Variants in CSMD1 observed in about 807,000 individuals in gnomAD.
The protein encoded by CSMD1 is CUB and sushi domain-containing protein 1.
A neutral mutation model predicts 417.5 loss-of-function variants in CSMD1; 213 were observed. The observed-to-expected ratio is 0.51, with a 90% CI of 0.46 to 0.57. The LOEUF (loss-of-function observed/expected upper bound fraction) is 0.57, where lower values mean the gene tolerates loss of function less well. Among genes scored for constraint, CSMD1 ranks in the 20% least tolerant of loss-of-function variants. CSMD1 has a pLI of 0.00. For missense variants in CSMD1, 6,923 were observed against 4,529.7 expected (o/e 1.53, Z -15.17); for synonymous variants, 2,862 against 1,736.8 (o/e 1.65, Z -16.11).
At chr8:3,823,575 A>G (rs994581334) in intron 5 of CSMD1, among the ~76,000 whole-genome samples, 3 of 152,174 alleles carry the variant, frequency 2.0e-5, no homozygotes, top group Admixed American at 6.5e-5. Context: ...TTATAATGCA[A>G]TGGATACATG....
chr8:4,091,479 T>A (rs908893608), intron 3 of CSMD1, among the ~76,000 whole-genome samples: 58 of 152,200 alleles, frequency 3.8e-4, no homozygotes, highest in Non-Finnish European at 1.5e-5. Flanking sequence ...GAGGGATTTT[T>A]AAAAGTATTT....
intron 1 of CSMD1, among the ~76,000 whole-genome samples, chr8:4,778,180 T>G (rs577388352): frequency 6.6e-6 from 1 of 152,292 alleles, no homozygotes; most frequent in East Asian, 1.9e-4. Context: ...GTCATAAAAT[T>G]TTCCATTCAT....
chr8:3,409,786 T>A (rs1259874130), intron 12 of CSMD1, among the ~76,000 whole-genome samples, 181 bp from the exon 13 acceptor site: 1 of 152,208 alleles, frequency 6.6e-6, no homozygotes, highest in Non-Finnish European at 1.5e-5. Context: ...AAAAAGAATG[T>A]CATTTCAAAT....
chr8:4,727,337 G>T (rs1478933853), intron 1 of CSMD1, among the ~76,000 whole-genome samples: 1 of 152,116 alleles, frequency 6.6e-6, no homozygotes, highest in Non-Finnish European at 1.5e-5. Flanking sequence ...CATGAACAAA[G>T]ACCATGAAAT....
At chr8:3,148,773 G>A (rs758768455) in intron 40 of CSMD1, among the ~76,000 whole-genome samples, 23 of 152,192 alleles carry the variant, frequency 1.5e-4, no homozygotes, top group African/African-American at 5.3e-4. Flanking sequence ...TGTTGACCAC[G>A]TTAGAGGACA....
At chr8:3,607,133 A>G (rs955314818) in intron 8 of CSMD1, among the ~76,000 whole-genome samples, 1 of 152,150 alleles carries the variant, frequency 6.6e-6, no homozygotes, top group Non-Finnish European at 1.5e-5. Context: ...GCTTTTTTCT[A>G]TTGTTCTTTT....
At chr8:3,236,821 A>G (rs890179241) in intron 26 of CSMD1, among the ~76,000 whole-genome samples, 4 of 152,278 alleles carry the variant, frequency 2.6e-5, no homozygotes, top group Non-Finnish European at 4.4e-5. Context: ...TTTCAGTTGC[A>G]TCCATCTTAT....
intron 5 of CSMD1, among the ~76,000 whole-genome samples, chr8:3,892,841 A>T (rs539901723): frequency 6.6e-6 from 1 of 151,614 alleles, no homozygotes; most frequent in Admixed American, 6.6e-5. Flanking sequence ...AGGTTCTGAG[A>T]ATGTGTTCCA....
chr8:3,707,092 C>G (rs931736589), intron 7 of CSMD1, among the ~76,000 whole-genome samples: 2 of 152,086 alleles, frequency 1.3e-5, no homozygotes, highest in Admixed American at 1.3e-4. Context: ...GACATGTTTA[C>G]CTCTCTGTCC....
At chr8:4,297,605 A>C (rs2128871267) in intron 3 of CSMD1, among the ~76,000 whole-genome samples, 1 of 152,294 alleles carries the variant, frequency 6.6e-6, no homozygotes, top group Non-Finnish European at 1.5e-5. Context: ...CTGTAAGGCT[A>C]AGATAGCCTG....
intron 49 of CSMD1, among the ~76,000 whole-genome samples, chr8:3,064,605 A>G (rs547381600): frequency 2.0e-5 from 3 of 152,336 alleles, no homozygotes; most frequent in East Asian, 1.9e-4. Flanking sequence ...AAAATAAAGA[A>G]GAAATAAACA....
chr8:2,942,634 T>C, intron 68 of CSMD1, 30 bp from the exon 69 acceptor site: 1 of 1,527,610 alleles, frequency 6.5e-7, no homozygotes, highest in Non-Finnish European at 8.8e-7. Context: ...TTAAATTTGT[T>C]GTTACTGTAC....
intron 9 of CSMD1, among the ~76,000 whole-genome samples, chr8:3,584,304 A>G (rs1800507721): frequency 6.6e-6 from 1 of 152,200 alleles, no homozygotes; most frequent in Non-Finnish European, 1.5e-5. Context: ...ATTACTAGTA[A>G]CGTTCCAGAA....
At chr8:4,502,253 G>C (rs986419134) in intron 2 of CSMD1, among the ~76,000 whole-genome samples, 1 of 151,902 alleles carries the variant, frequency 6.6e-6, no homozygotes, top group Non-Finnish European at 1.5e-5. Flanking sequence ...AAAGTTCTGG[G>C]TGCACATTCT....
At chr8:4,106,807 C>A (rs1801592067) in intron 3 of CSMD1, among the ~76,000 whole-genome samples, 1 of 152,022 alleles carries the variant, frequency 6.6e-6, no homozygotes, top group South Asian at 2.1e-4. Flanking sequence ...TGGGAGAGCT[C>A]AGGTCTACAC....
intron 1 of CSMD1, among the ~76,000 whole-genome samples, chr8:4,894,196 C>T (rs1804321221): frequency 6.6e-6 from 1 of 152,058 alleles, no homozygotes; most frequent in Admixed American, 6.5e-5. Context: ...TATGTCTTAT[C>T]AGATATGCCC....
intron 3 of CSMD1, among the ~76,000 whole-genome samples, chr8:4,391,130 G>A (rs1803823543): frequency 1.3e-5 from 2 of 152,148 alleles, no homozygotes; most frequent in East Asian, 1.9e-4. Flanking sequence ...TTTCTCTAGG[G>A]ACCCAGATAA....
At chr8:4,138,898 A>G (rs1026317545) in intron 3 of CSMD1, among the ~76,000 whole-genome samples, 3 of 152,210 alleles carry the variant, frequency 2.0e-5, no homozygotes, top group African/African-American at 7.2e-5. Context: ...TTTAATACAA[A>G]TAATTTAATC....
At chr8:4,718,489 A>G (rs192607603) in intron 1 of CSMD1, among the ~76,000 whole-genome samples, 35 of 152,270 alleles carry the variant, frequency 2.3e-4, no homozygotes, top group Admixed American at 2.0e-3. Context: ...CTAGAAAAGA[A>G]TAACTAATAT....
Sources: gnomAD v4.1 joint callset for allele counts (sites outside exome capture counted in the v4.1 genomes callset) on GRCh38, gnomAD v4.1.1 for gene constraint, MANE v1.5 for transcripts, NCBI Gene and HGNC (gene_info 2026-07-23, HGNC 2026-07-21) for gene names.